ACLY: variants seen among roughly 807,000 people sequenced by gnomAD.
ACLY encodes ATP-citrate synthase.
A neutral mutation model predicts 133.0 loss-of-function variants in ACLY; 41 were observed. That is an observed-to-expected ratio of 0.31 (90% CI 0.24 to 0.40). ACLY has a LOEUF of 0.40. Ranked by LOEUF, ACLY falls within the 10% of genes least tolerant of loss-of-function variation. The probability of loss-of-function intolerance (pLI) is 1.00; values close to 1 mark genes in which losing one functional copy is unlikely to be tolerated. For synonymous variants in ACLY, 495 were observed against 549.3 expected (o/e 0.90, Z 1.38); for missense variants, 1,046 against 1,453.8 (o/e 0.72, Z 4.56).
chr17:41,890,969 CAAA>C (rs113644053), intron 16 of ACLY, among the ~76,000 whole-genome samples: 1 of 138,334 alleles, frequency 7.2e-6, no homozygotes, highest in Non-Finnish European at 1.6e-5. Flanking sequence ...GGCCCTGTCT[CAAA>C]AAAAAAAAAT....
At chr17:41,875,350 CAA>C (rs35999637) in intron 22 of ACLY, among the ~76,000 whole-genome samples, 1 of 111,246 alleles carries the variant, frequency 9.0e-6, no homozygotes, top group African/African-American at 3.5e-5. Context: ...AACTCCGTCT[CAA>C]AAAAAAAAAA....
At chr17:41,875,774 C>T (rs1337612162) in intron 22 of ACLY, among the ~76,000 whole-genome samples, 2 of 152,304 alleles carry the variant, frequency 1.3e-5, no homozygotes, top group African/African-American at 4.8e-5. Flanking sequence ...AGTGCAGTGG[C>T]GTGATCTCAG....
intron 22 of ACLY, among the ~76,000 whole-genome samples, chr17:41,875,373 CGA>C (rs1217045681): frequency 1.4e-5 from 2 of 142,520 alleles, no homozygotes; most frequent in African/African-American, 5.2e-5. Context: ...AAAGGGGGGA[CGA>C]GATACGTGGC....
chr17:41,912,309 T>G, intron 3 of ACLY, 111 bp downstream of exon 3: 199 of 1,443,880 alleles, frequency 1.4e-4, no homozygotes, highest in Middle Eastern at 2.4e-4. Context: ...CTGCCTTCCC[T>G]GAGCTACAAT....
At chr17:41,876,784 C>G (rs1555626265) in intron 22 of ACLY, among the ~76,000 whole-genome samples, 2 of 152,110 alleles carry the variant, frequency 1.3e-5, no homozygotes, top group African/African-American at 2.4e-5. Flanking sequence ...GCGGAAGGCC[C>G]CAGGGTCCTC....
intron 22 of ACLY, among the ~76,000 whole-genome samples, chr17:41,875,365 AGGG>A (rs1156638812): frequency 1.3e-5 from 2 of 148,248 alleles, no homozygotes; most frequent in African/African-American, 2.5e-5. Flanking sequence ...AAAAAAAAAA[AGGG>A]GGGACGAGAT....
chr17:41,882,367 CAAAA>C (rs34078258), intron 20 of ACLY, among the ~76,000 whole-genome samples: 2,076 of 40,002 alleles, frequency 0.052, 20 homozygotes, highest in East Asian at 0.13. Context: ...ACCCTGTCTC[CAAAA>C]AAAAAAAAAA....
At chr17:41,871,630 C>T (rs549139713) in intron 25 of ACLY, 59 bp downstream of exon 25, 591 of 1,603,476 alleles carry the variant, frequency 3.7e-4, no homozygotes, top group Non-Finnish European at 4.7e-4. Flanking sequence ...GCTGTGATTA[C>T]AGGCATGGGC....
At chr17:41,897,861 G>C (rs782635000) in intron 12 of ACLY, 22 bp from the exon 13 acceptor site, 2 of 1,605,188 alleles carry the variant, frequency 1.2e-6, no homozygotes, top group Non-Finnish European at 1.7e-6. Flanking sequence ...TAAGGAGAGA[G>C]TGTAAGAGGT....
chr17:41,918,662 T>G (rs1394174439), intron 1 of ACLY, among the ~76,000 whole-genome samples: 1 of 151,598 alleles, frequency 6.6e-6, no homozygotes, highest in Non-Finnish European at 1.5e-5. Context: ...CTGGAATATG[T>G]GTGTGTCGCG....
intron 1 of ACLY, among the ~76,000 whole-genome samples, chr17:41,928,461 C>G (rs376460862): frequency 6.6e-6 from 1 of 151,776 alleles, no homozygotes; most frequent in Admixed American, 6.6e-5. Context: ...TTTAAGTTCT[C>G]TTTTGTTCTT....
chr17:41,907,433 C>T lies in ACLY; in HGVS notation c.747+9G>A. 1.2e-6 allele frequency: 2 copies of T among 1,612,712 alleles called. No homozygotes were observed. Among genetic ancestry groups the T allele is most frequent in the Middle Eastern group, 1.7e-4 (1 of 6,018 alleles). On this transcript the variant is annotated intron_variant, in intron 7 of 28. Transcript: ENST00000352035. Reference sequence around the variant, plus strand: ...CCCAGTCCCCATCTCCTCTCTAAACCAGCCTTACCTCTGGATATGCCTCCC... The same window carrying T: ...CCCAGTCCCCATCTCCTCTCTAAACTAGCCTTACCTCTGGATATGCCTCCC...
upstream of ACLY, among the ~76,000 whole-genome samples, chr17:41,921,859 G>A (rs782481865): frequency 6.6e-6 from 1 of 152,054 alleles, no homozygotes. Flanking sequence ...AAGCTACTCA[G>A]GAGGCAGAGG....
chr17:41,912,593 T>C (rs2049937323), intron 2 of ACLY, 51 bp from the exon 3 acceptor site: 1 of 1,610,446 alleles, frequency 6.2e-7, no homozygotes, highest in Non-Finnish European at 8.5e-7. Context: ...AGATAAACCG[T>C]AGTATTTTGG....
At chr17:41,881,746 G>A (rs1050641099) in intron 20 of ACLY, among the ~76,000 whole-genome samples, 14 of 152,054 alleles carry the variant, frequency 9.2e-5, no homozygotes, top group African/African-American at 3.4e-4. Flanking sequence ...ATATGCCCCT[G>A]CCACCACGTC....
chr17:41,925,414 T>C (rs1555635878), intron 1 of ACLY, among the ~76,000 whole-genome samples: 1 of 142,834 alleles, frequency 7.0e-6, no homozygotes, highest in African/African-American at 2.6e-5. Context: ...CTGGGCAACA[T>C]TGCAAAACAC....
chr17:41,884,346 G>A, intron 18 of ACLY, 72 bp from the exon 19 acceptor site: 2 of 1,001,420 alleles, frequency 2.0e-6, no homozygotes, highest in South Asian at 1.3e-5. Context: ...GGGTTAGGAA[G>A]CACACTTGTA....
intron 1 of ACLY, among the ~76,000 whole-genome samples, chr17:41,927,428 T>G (rs1555636109): frequency 6.6e-6 from 1 of 152,120 alleles, no homozygotes; most frequent in Non-Finnish European, 1.5e-5. Context: ...GGTCTTGATC[T>G]GCCCGCCTGG....
chr17:41,918,807 G>C (rs2050125405), intron 1 of ACLY, 73 bp downstream of exon 1: 20 of 1,266,716 alleles, frequency 1.6e-5, no homozygotes, highest in Non-Finnish European at 2.0e-5. Flanking sequence ...GGCGGTTCCG[G>C]GTTGGGGGAC....
Sources: gnomAD v4.1 joint callset for allele counts (sites outside exome capture counted in the v4.1 genomes callset) on GRCh38, gnomAD v4.1.1 for gene constraint, MANE v1.5 for transcripts, NCBI Gene and HGNC (gene_info 2026-07-23, HGNC 2026-07-21) for gene names.